Variants in TMEM217B observed in about 807,000 individuals in gnomAD.
TMEM217B encodes the protein putative transmembrane protein 217B.
chr6:37,257,814 G>A, the TMEM217B span: 1 of 1,312,320 alleles, frequency 7.6e-7, no homozygotes, highest in Non-Finnish European at 1.1e-6. Flanking sequence ...CGGGTGACCG[G>A]CGGCGGGGAA....
At chr6:37,240,941 T>A in the TMEM217B span, among the ~76,000 whole-genome samples, 2 of 152,168 alleles carry the variant, frequency 1.3e-5, no homozygotes, top group Non-Finnish European at 2.9e-5. Context: ...AATTTTTGTA[T>A]CTTATTGATT....
chr6:37,213,056 C>T, the TMEM217B span: 6 of 1,103,824 alleles, frequency 5.4e-6, no homozygotes, highest in South Asian at 6.2e-5. Context: ...TTAGACAAAT[C>T]CCCCAAGTCA....
At chr6:37,239,477 A>AAAAT in the TMEM217B span, among the ~76,000 whole-genome samples, 92 of 150,012 alleles carry the variant, frequency 6.1e-4, 1 homozygote, top group East Asian at 0.013. Context: ...TCTGTCTTAA[A>AAAAT]AAATAAATAA....
chr6:37,215,180 T>C, the TMEM217B span: 1 of 1,612,558 alleles, frequency 6.2e-7, no homozygotes, highest in Non-Finnish European at 8.5e-7. Context: ...TGGTACATTC[T>C]ATTCATTCAA....
chr6:37,214,386 C>A, the TMEM217B span, among the ~76,000 whole-genome samples: 2 of 152,146 alleles, frequency 1.3e-5, no homozygotes, highest in African/African-American at 2.4e-5. Context: ...CGCCAGCATG[C>A]CCAGCTAATT....
the TMEM217B span, among the ~76,000 whole-genome samples, chr6:37,225,564 C>T: frequency 6.6e-6 from 1 of 152,178 alleles, no homozygotes; most frequent in Non-Finnish European, 1.5e-5. Flanking sequence ...GCGTAATTGG[C>T]CTTGCTGTGT....
chr6:37,223,463 C>T, the TMEM217B span, among the ~76,000 whole-genome samples: 1 of 152,146 alleles, frequency 6.6e-6, no homozygotes, highest in South Asian at 2.1e-4. Context: ...CAAAGCAAAA[C>T]AAACAAATAG....
At chr6:37,222,767 T>C in the TMEM217B span, among the ~76,000 whole-genome samples, 2 of 152,158 alleles carry the variant, frequency 1.3e-5, no homozygotes, top group Admixed American at 6.5e-5. Context: ...TCTACGGCTT[T>C]GGTTTGGGCG....
the TMEM217B span, among the ~76,000 whole-genome samples, chr6:37,255,795 G>T: frequency 3.3e-4 from 51 of 152,280 alleles, no homozygotes; most frequent in African/African-American, 1.1e-3. Context: ...TGTGTGGTTG[G>T]TGAAGATTAG....
chr6:37,247,955 G>A, the TMEM217B span, among the ~76,000 whole-genome samples: 3 of 152,196 alleles, frequency 2.0e-5, no homozygotes, highest in African/African-American at 7.2e-5. Flanking sequence ...GATGAGGGAT[G>A]TGGGTGAGGT....
the TMEM217B span, among the ~76,000 whole-genome samples, chr6:37,238,350 T>C: frequency 6.6e-6 from 1 of 152,232 alleles, no homozygotes; most frequent in Non-Finnish European, 1.5e-5. Flanking sequence ...CTACTATTTA[T>C]TATGCATATA....
chr6:37,247,755 C>A, the TMEM217B span, among the ~76,000 whole-genome samples: 2 of 152,184 alleles, frequency 1.3e-5, no homozygotes, highest in African/African-American at 4.8e-5. Flanking sequence ...GAAACACACA[C>A]CTCAGAATTA....
chr6:37,243,820 T>C, the TMEM217B span, among the ~76,000 whole-genome samples: 1 of 152,152 alleles, frequency 6.6e-6, no homozygotes, highest in Non-Finnish European at 1.5e-5. Flanking sequence ...TGGTGCTGAC[T>C]GGTGGGGAAT....
chr6:37,213,338 T>C, the TMEM217B span, among the ~76,000 whole-genome samples: 2 of 152,226 alleles, frequency 1.3e-5, no homozygotes, highest in Non-Finnish European at 2.9e-5. Flanking sequence ...AGGATAACGA[T>C]GGTATGAACG....
chr6:37,232,019 T>C, the TMEM217B span, among the ~76,000 whole-genome samples: 1 of 152,108 alleles, frequency 6.6e-6, no homozygotes, highest in African/African-American at 2.4e-5. Context: ...AATTATCTGC[T>C]TTCTCCTTAC....
chr6:37,235,729 T>A, the TMEM217B span, among the ~76,000 whole-genome samples: 1 of 152,202 alleles, frequency 6.6e-6, no homozygotes, highest in Non-Finnish European at 1.5e-5. Flanking sequence ...CATTAGTGTC[T>A]GGTGAGGACT....
the TMEM217B span, among the ~76,000 whole-genome samples, chr6:37,241,877 C>T: frequency 6.6e-6 from 1 of 152,142 alleles, no homozygotes; most frequent in African/African-American, 2.4e-5. Flanking sequence ...TGTATGTAAC[C>T]GTGTAAATTT....
chr6:37,250,465 A>G, the TMEM217B span, among the ~76,000 whole-genome samples: 3 of 152,250 alleles, frequency 2.0e-5, no homozygotes, highest in Non-Finnish European at 4.4e-5. Context: ...GATGTGGAGC[A>G]ATGTAAACTC....
chr6:37,232,363 ATAG>A, the TMEM217B span, among the ~76,000 whole-genome samples: 1 of 152,082 alleles, frequency 6.6e-6, no homozygotes, highest in African/African-American at 2.4e-5. Context: ...GCCCTATGCA[ATAG>A]TTTTTTCTGT....
Sources: allele counts gnomAD v4.1 joint callset (sites outside exome capture counted in the v4.1 genomes callset), GRCh38; gene constraint gnomAD v4.1.1; transcripts MANE v1.5; gene names NCBI Gene and HGNC (gene_info 2026-07-23, HGNC 2026-07-21).